The following PRTG variants were observed in gnomAD, a reference collection of about 807,000 sequenced individuals.
PRTG encodes the protein immunoglobulin superfamily, DCC subclass, member 5.
Under a neutral mutation model 122.5 loss-of-function variants are expected in PRTG, and 67 were observed. That is an observed-to-expected ratio of 0.55 (90% CI 0.45 to 0.67). PRTG has a LOEUF of 0.67. Ranked by LOEUF, PRTG falls within the 30% of genes least tolerant of loss-of-function variation. The probability of loss-of-function intolerance (pLI) is 0.00; values close to 1 mark genes in which losing one functional copy is unlikely to be tolerated. For missense variants in PRTG, 1,435 were observed against 1,415.4 expected, an observed-to-expected ratio of 1.01 and a Z score of -0.22; for synonymous variants, 554 against 501.1, an observed-to-expected ratio of 1.11 and a Z score of -1.41.
intron 3 of PRTG, among the ~76,000 whole-genome samples, chr15:55,683,244 AT>A (rs768888445): frequency 2.0e-5 from 3 of 151,756 alleles, no homozygotes; most frequent in Non-Finnish European, 4.4e-5. Flanking sequence ...GTGCTTTACC[AT>A]GTTAGCAAAT....
chr15:55,675,741 C>G, intron 8 of PRTG, 58 bp from the exon 9 acceptor site: 1 of 1,103,288 alleles, frequency 9.1e-7, no homozygotes, highest in Admixed American at 1.8e-5. Flanking sequence ...ATTAACAAGA[C>G]CATTTTCCTG....
rs1462629497 is a variant in PRTG at position 55,677,860 on chromosome 15, C to T, written c.1318G>A (p.Glu440Lys). Residue 440 changes from glutamate to lysine, a missense_variant, in exon 8 of 20, where the codon GAG becomes AAG. Glu to Lys is a moderately conservative substitution (Grantham distance 56, BLOSUM62 1). Coordinates refer to ENST00000389286, the MANE Select transcript of PRTG (RefSeq NM_173814.6). ...TTGTCTGAATTATAAAGTGGCCTCT[C>T]CCAGGCTAAAAGAATGGCTGAGCTT... ...MSSSAILLAWERPLYNSDKVI... is the reference protein window; with the variant it reads ...MSSSAILLAWKRPLYNSDKVI... 3 of 1,613,658 alleles carry T rather than the reference C, an allele frequency of 1.9e-6. No homozygotes were observed. The highest frequency in any genetic ancestry group is 2.5e-6 in the Non-Finnish European group (3 of 1,179,792).
chr15:55,694,770 T>C (rs1463613318), intron 2 of PRTG, among the ~76,000 whole-genome samples: 1 of 152,218 alleles, frequency 6.6e-6, no homozygotes, highest in Admixed American at 6.5e-5. Flanking sequence ...TTTGCATTTA[T>C]TTAAATGGGA....
chr15:55,680,462 C>CT (rs35467969), intron 5 of PRTG, 29 bp downstream of exon 5: 137,785 of 1,025,742 alleles, frequency 0.13, 7 homozygotes, highest in Non-Finnish European at 0.15. Flanking sequence ...AAGGAAAAGA[C>CT]TTTTTTTTTT....
At chr15:55,627,362 G>C (rs983229367) in intron 16 of PRTG, among the ~76,000 whole-genome samples, 2 of 135,252 alleles carry the variant, frequency 1.5e-5, no homozygotes, top group Admixed American at 1.6e-4. Flanking sequence ...GTCTCGCTCT[G>C]TTGCCCAGGC....
intron 2 of PRTG, among the ~76,000 whole-genome samples, chr15:55,686,717 T>C (rs1269290498): frequency 6.6e-6 from 1 of 152,210 alleles, no homozygotes; most frequent in African/African-American, 2.4e-5. Flanking sequence ...TCTAGCCTTA[T>C]ATTCAACCAC....
intron 11 of PRTG, among the ~76,000 whole-genome samples, chr15:55,667,773 T>G (rs1203466958): frequency 3.3e-5 from 5 of 152,176 alleles, no homozygotes; most frequent in Admixed American, 3.3e-4. Context: ...TTAAATGAAT[T>G]TATTTTGTGA....
intron 11 of PRTG, among the ~76,000 whole-genome samples, chr15:55,660,143 A>T (rs1036888339): frequency 1.3e-5 from 2 of 152,160 alleles, no homozygotes; most frequent in Non-Finnish European, 2.9e-5. Context: ...AAAGACCAAG[A>T]TAAAATATTT....
intron 2 of PRTG, among the ~76,000 whole-genome samples, chr15:55,730,824 T>C (rs1430449206): frequency 6.6e-6 from 1 of 152,076 alleles, no homozygotes; most frequent in African/African-American, 2.4e-5. Context: ...ACGACTATAA[T>C]AACAAAACCT....
intron 2 of PRTG, among the ~76,000 whole-genome samples, chr15:55,707,026 T>C (rs1377383798): frequency 6.6e-6 from 1 of 152,202 alleles, no homozygotes. Flanking sequence ...GACTTTACTT[T>C]AAAATTTGAG....
intron 15 of PRTG, among the ~76,000 whole-genome samples, chr15:55,631,563 G>T (rs2059227683): frequency 6.6e-6 from 1 of 152,192 alleles, no homozygotes; most frequent in Non-Finnish European, 1.5e-5. Flanking sequence ...TGATCTCAGT[G>T]ATCTGTCTAT....
At chr15:55,664,950 G>A (rs891893057) in intron 11 of PRTG, among the ~76,000 whole-genome samples, 2 of 151,562 alleles carry the variant, frequency 1.3e-5, no homozygotes, top group African/African-American at 2.4e-5. Flanking sequence ...GTTAGGTGAC[G>A]TATCACAGAA....
intron 11 of PRTG, among the ~76,000 whole-genome samples, chr15:55,648,925 C>T (rs2059338599): frequency 2.6e-5 from 4 of 151,784 alleles, no homozygotes; most frequent in South Asian, 2.1e-4. Context: ...GGTGAAACCC[C>T]GTCTCTACTA....
At chr15:55,653,965 T>C (rs1365211211) in intron 11 of PRTG, among the ~76,000 whole-genome samples, 1 of 152,362 alleles carries the variant, frequency 6.6e-6, no homozygotes, top group East Asian at 1.9e-4. Flanking sequence ...TTGACAAATG[T>C]ATTACCTTAG....
chr15:55,660,922 A>G (rs1186223411), intron 11 of PRTG, among the ~76,000 whole-genome samples: 1 of 152,208 alleles, frequency 6.6e-6, no homozygotes, highest in African/African-American at 2.4e-5. Flanking sequence ...AATTTCTTCA[A>G]AGGTCTCAAT....
rs768985438 is a variant in PRTG at position 55,638,558 on chromosome 15, G to A, written c.2443C>T (p.Leu815Phe). Residue 815 changes from leucine (L) to phenylalanine (F), a missense_variant, in exon 14 of 20, where the codon CTT becomes TTT. By Grantham distance (22) the Leu-to-Phe change is conservative. Transcript: ENST00000389286. ...GAGCTGTTTTCTTTACCTTCTGGAA[G>A]AGTAGAATGGTAGACTACAGGGCTC... ...PWSPVVYHST[L>F]PEAPAGPPVG... is the part of the protein sequence containing the mutation. 4 of 1,606,462 alleles carry A rather than the reference G, an allele frequency of 2.5e-6. No homozygotes were observed. The highest frequency in any genetic ancestry group is 1.7e-5 in the Admixed American group (1 of 58,198).
chr15:55,641,384 G>A (rs535328358), intron 11 of PRTG, among the ~76,000 whole-genome samples, 176 bp from the exon 12 acceptor site: 20 of 152,168 alleles, frequency 1.3e-4, no homozygotes, highest in Non-Finnish European at 2.6e-4. Flanking sequence ...CACTGCTATT[G>A]TGACTATCTA....
chr15:55,696,545 A>G (rs921675693), intron 2 of PRTG, among the ~76,000 whole-genome samples: 6 of 152,236 alleles, frequency 3.9e-5, no homozygotes, highest in African/African-American at 1.2e-4. Flanking sequence ...CATGCTATCA[A>G]TAGGTGAAAG....
At chr15:55,699,967 G>A (rs1367813633) in intron 2 of PRTG, among the ~76,000 whole-genome samples, 1 of 152,158 alleles carries the variant, frequency 6.6e-6, no homozygotes, top group African/African-American at 2.4e-5. Flanking sequence ...AAAGGCAAAG[G>A]ACCTAGAATA....
Sources: allele counts gnomAD v4.1 joint callset (sites outside exome capture counted in the v4.1 genomes callset), GRCh38; gene constraint gnomAD v4.1.1; transcripts MANE v1.5; gene names NCBI Gene and HGNC (gene_info 2026-07-23, HGNC 2026-07-21).